MACROD2: variants seen among roughly 807,000 people sequenced by gnomAD.
MACROD2 encodes the protein mono-ADP ribosylhydrolase 2.
Under a neutral mutation model 70.4 loss-of-function variants are expected in MACROD2, and 36 were observed. The observed-to-expected ratio is 0.51, with a 90% CI of 0.39 to 0.68. The LOEUF is 0.68. MACROD2 is among the 30% of genes least tolerant of loss of function. The pLI, the probability that MACROD2 is intolerant of heterozygous loss-of-function variation, is 0.00. For synonymous variants in MACROD2, 172 were observed against 178.8 expected (o/e 0.96, Z 0.30); for missense variants, 496 against 538.4 (o/e 0.92, Z 0.78).
chr20:14,605,510 G>C (rs1982747551), intron 4 of MACROD2, among the ~76,000 whole-genome samples: 1 of 152,162 alleles, frequency 6.6e-6, no homozygotes, highest in South Asian at 2.1e-4. Context: ...CCCACTCGTA[G>C]GTGCTGATGG....
At chr20:14,577,761 G>T (rs1980692828) in intron 4 of MACROD2, among the ~76,000 whole-genome samples, 1 of 87,660 alleles carries the variant, frequency 1.1e-5, no homozygotes. Context: ...CAGCCTGGGC[G>T]ACAGAGCAAG....
At chr20:15,442,074 A>G (rs575652039) in intron 7 of MACROD2, among the ~76,000 whole-genome samples, 6 of 152,270 alleles carry the variant, frequency 3.9e-5, no homozygotes, top group African/African-American at 1.4e-4. Context: ...TCTAGTCTTG[A>G]ATGACATTCC....
intron 5 of MACROD2, among the ~76,000 whole-genome samples, chr20:15,183,000 G>A (rs1180587045): frequency 2.6e-5 from 4 of 152,128 alleles, no homozygotes; most frequent in African/African-American, 9.7e-5. Context: ...TTGTAAAATT[G>A]TAACTGCTTT....
At chr20:14,758,044 G>T in intron 5 of MACROD2, 1 of 654,792 alleles carries the variant, frequency 1.5e-6, no homozygotes. Context: ...GACATGGTCG[G>T]CCACCTCAAT....
chr20:14,964,388 C>T (rs954662464), intron 5 of MACROD2, among the ~76,000 whole-genome samples: 7 of 151,752 alleles, frequency 4.6e-5, no homozygotes, highest in Admixed American at 1.3e-4. Context: ...CTGGCTAACA[C>T]GGTGAAACCC....
intron 5 of MACROD2, among the ~76,000 whole-genome samples, chr20:15,209,604 C>T (rs999685183): frequency 4.6e-5 from 7 of 152,120 alleles, no homozygotes; most frequent in Non-Finnish European, 7.4e-5. Context: ...AAGAGGGGTG[C>T]AAAGGGAGAC....
intron 8 of MACROD2, among the ~76,000 whole-genome samples, chr20:15,677,699 C>T: frequency 5.4e-5 from 1 of 18,686 alleles, no homozygotes; most frequent in Admixed American, 8.1e-4. Flanking sequence ...AACCAACCAA[C>T]CAACCAAATA....
At chr20:14,157,753 A>G (rs2055124371) in intron 3 of MACROD2, among the ~76,000 whole-genome samples, 1 of 152,176 alleles carries the variant, frequency 6.6e-6, no homozygotes, top group Admixed American at 6.5e-5. Flanking sequence ...TGCAAAAGAC[A>G]TAATTTCATT....
rs766996651 is a variant in MACROD2 at position 14,623,176 on chromosome 20, G to GT, written c.302-61659dup. Among the ~76,000 whole-genome samples, 407 of 151,334 alleles carry GT rather than the reference G, an allele frequency of 2.7e-3. 2 individuals carry two copies. The highest frequency in any genetic ancestry group is 3.8e-3 in the Non-Finnish European group (260 of 67,846). On this transcript the variant is annotated intron_variant, in intron 4 of 17. Coordinates refer to ENST00000684519, the MANE Select transcript of MACROD2 (RefSeq NM_001351661.2). ...AGACCTGTGTTACAACTGAATTACA[G>GT]TTTTTTTTGTTTTTTTTTTCTCAAC...
At chr20:15,068,463 C>A (rs1263462522) in intron 5 of MACROD2, among the ~76,000 whole-genome samples, 1 of 152,140 alleles carries the variant, frequency 6.6e-6, no homozygotes, top group East Asian at 1.9e-4. Flanking sequence ...ATGTGACCCC[C>A]CGTGTTGGAG....
chr20:15,832,738 G>A (rs1387921776), intron 8 of MACROD2, among the ~76,000 whole-genome samples: 1 of 152,232 alleles, frequency 6.6e-6, no homozygotes, highest in Non-Finnish European at 1.5e-5. Flanking sequence ...ACAAGTGACA[G>A]GCAAATGGCA....
chr20:15,313,393 G>T (rs990180884), intron 6 of MACROD2, among the ~76,000 whole-genome samples: 5 of 151,338 alleles, frequency 3.3e-5, no homozygotes, highest in Non-Finnish European at 7.4e-5. Flanking sequence ...TGTAGTCCCA[G>T]CTACTCGGGA....
chr20:14,590,678 A>G (rs1196591318), intron 4 of MACROD2, among the ~76,000 whole-genome samples: 1 of 152,088 alleles, frequency 6.6e-6, no homozygotes, highest in Non-Finnish European at 1.5e-5. Flanking sequence ...CTGCTTGCCC[A>G]GTTTTTCTCT....
chr20:15,761,037 G>T (rs2051428258), intron 8 of MACROD2, among the ~76,000 whole-genome samples: 1 of 152,100 alleles, frequency 6.6e-6, no homozygotes, highest in Non-Finnish European at 1.5e-5. Flanking sequence ...AGATAAAAGT[G>T]TTTTTTGTTT....
chr20:14,237,616 T>C (rs941729823), intron 3 of MACROD2, among the ~76,000 whole-genome samples: 2 of 151,920 alleles, frequency 1.3e-5, no homozygotes, highest in African/African-American at 4.8e-5. Context: ...TATGTATACA[T>C]GTGCCATGCT....
At chr20:15,044,250 C>T (rs929016815) in intron 5 of MACROD2, among the ~76,000 whole-genome samples, 2 of 152,036 alleles carry the variant, frequency 1.3e-5, no homozygotes, top group Admixed American at 1.3e-4. Flanking sequence ...GGTTAAAGAG[C>T]CTTATTATGA....
At chr20:14,954,634 A>C (rs1348832850) in intron 5 of MACROD2, among the ~76,000 whole-genome samples, 1 of 130,598 alleles carries the variant, frequency 7.7e-6, no homozygotes, top group Admixed American at 8.6e-5. Flanking sequence ...ATATAAATAC[A>C]AATATATAAT....
intron 2 of MACROD2, chr20:14,053,285 C>G (rs2053592986): frequency 6.6e-6 from 1 of 152,004 alleles, no homozygotes; most frequent in South Asian, 2.1e-4. Context: ...ATATGTAACT[C>G]TAAGAGACCT....
At chr20:15,442,524 G>T (rs116347235) in intron 7 of MACROD2, among the ~76,000 whole-genome samples, 100 of 152,138 alleles carry the variant, frequency 6.6e-4, no homozygotes, top group African/African-American at 2.3e-3. Flanking sequence ...TGTGTATATG[G>T]CAAGCACACC....
Sources: gnomAD v4.1 joint callset for allele counts (sites outside exome capture counted in the v4.1 genomes callset) on GRCh38, gnomAD v4.1.1 for gene constraint, MANE v1.5 for transcripts, NCBI Gene and HGNC (gene_info 2026-07-23, HGNC 2026-07-21) for gene names.